SEC16B: variants seen among roughly 807,000 people sequenced by gnomAD.
SEC16B encodes SEC16 homolog B, endoplasmic reticulum export factor, also known as protein transport protein Sec16B.
A neutral mutation model predicts 141.8 loss-of-function variants in SEC16B; 115 were observed. The ratio of observed to expected loss-of-function variants is 0.81; its 90% CI spans 0.70 to 0.95. The LOEUF is 0.95. Ranked by LOEUF, SEC16B falls within the 40% of genes least tolerant of loss-of-function variation. The probability of loss-of-function intolerance (pLI) is 0.00; values close to 1 mark genes in which losing one functional copy is unlikely to be tolerated. For synonymous variants in SEC16B, 493 were observed against 492.5 expected (o/e 1.00, Z -0.01); for missense variants, 1,291 against 1,312.3 (o/e 0.98, Z 0.25).
intron 12 of SEC16B, 55 bp downstream of exon 12, chr1:177,951,859 C>A: frequency 7.0e-7 from 1 of 1,433,638 alleles, no homozygotes; most frequent in Non-Finnish European, 9.6e-7. Flanking sequence ...GCAGTCCCCG[C>A]CCCCTCAAGC....
At chr1:177,942,121 A>G (rs1194525854) in intron 15 of SEC16B, 81 bp from the exon 16 acceptor site, 1 of 1,439,936 alleles carries the variant, frequency 6.9e-7, no homozygotes, top group African/African-American at 1.4e-5. Context: ...ACTTCTTGGA[A>G]GTCAGCTGTC....
rs199678124 is a variant in SEC16B at position 177,937,355 on chromosome 1, C to T, written c.2362G>A (p.Gly788Ser). The change falls in exon 19 of 26, where the codon GGT becomes AGT. Residue 788 changes from glycine (G) to serine (S), a missense_variant. Physicochemically the swap from Gly to Ser is moderately conservative, Grantham distance 56. This residue lies in a region of SEC16B where 605 missense variants were observed against 614.1 expected (regional missense o/e 0.99). Transcript: ENST00000308284. Reference sequence around the variant, plus strand: ...CTCGGTGTCCCTGTCTGCCCTGCACCCCCTCCTGCTGGGTAGGAGCCCGGC... The same window carrying T: ...CTCGGTGTCCCTGTCTGCCCTGCACTCCCTCCTGCTGGGTAGGAGCCCGGC... ...LQPGSYPAGG[G>S]AGQTGTPRPF... 29 of 1,613,430 alleles carry T rather than the reference C, an allele frequency of 1.8e-5. No homozygotes were observed. Among genetic ancestry groups the T allele is most frequent in the Middle Eastern group, 1.7e-4 (1 of 6,050 alleles).
chr1:177,980,146 A>G (rs547512748), intron 1 of SEC16B, among the ~76,000 whole-genome samples: 1 of 152,092 alleles, frequency 6.6e-6, no homozygotes, highest in African/African-American at 2.4e-5. Flanking sequence ...TCCCTTTTAC[A>G]CTTAGGATGC....
At position 177,954,014 on chromosome 1, in the gene SEC16B, T is replaced by A. The variant is rs1436679851; in HGVS notation, c.1463+265A>T. ...GCCCCTCCCAAAGAAAGAAGGCTAC[T>A]GCAATGTAAAAACCTACTTAATTTT... On this transcript the variant is annotated intron_variant, in intron 11 of 25. Coordinates refer to ENST00000308284, the MANE Select transcript of SEC16B (RefSeq NM_033127.4). 3.9e-5 allele frequency among the ~76,000 whole-genome samples: 6 copies of A among 152,208 alleles called. 1 individual carries two copies. The highest frequency in any genetic ancestry group is 1.4e-4 in the African/African-American group (6 of 41,450).
In SEC16B at chr1:177,948,551, G is replaced by T. The variant is rs1236228118; in HGVS notation, c.1546-609C>A. 2.3e-6 allele frequency: 3 copies of T among 1,303,730 alleles called. No homozygotes were observed. The Admixed American group carries it at 6.9e-5, about 30-fold the overall frequency. The allele number at this position is 1,303,730 out of a possible 1,614,324, so 80.8% of individuals were successfully genotyped here. On this transcript the variant is annotated intron_variant, in intron 12 of 25. Coordinates refer to ENST00000308284, the MANE Select transcript of SEC16B (RefSeq NM_033127.4). ...TGCAGAGGCAGCAGAATTCCACCAG[G>T]GGGCAAAAAAGAGTAAGCAGCGTGG...
At chr1:177,964,064 G>A (rs1327995627) in intron 5 of SEC16B, 107 bp downstream of exon 5, 7 of 717,158 alleles carry the variant, frequency 9.8e-6, no homozygotes, top group Admixed American at 9.1e-5. Context: ...TCCTCCAGAC[G>A]GCTGGCCACT....
chr1:177,948,583 T>C (rs1415332286), intron 12 of SEC16B: 16 of 1,304,234 alleles, frequency 1.2e-5, no homozygotes, highest in Non-Finnish European at 1.5e-5. Context: ...GTGGTGGAAA[T>C]GTACAAAGCC....
At chr1:177,960,651 G>A (rs1652985781) in intron 7 of SEC16B, 140 bp downstream of exon 7, 2 of 901,060 alleles carry the variant, frequency 2.2e-6, no homozygotes, top group South Asian at 1.8e-5. Flanking sequence ...CTAATCCAGG[G>A]GGTACATGGC....
At chr1:177,933,701 T>C in intron 20 of SEC16B, 65 bp from the exon 21 acceptor site, 1 of 1,538,778 alleles carries the variant, frequency 6.5e-7, no homozygotes. Flanking sequence ...CATTTGCACA[T>C]ACTCCCTCAC....
At chr1:177,935,254 G>A (rs910206704) in intron 20 of SEC16B, among the ~76,000 whole-genome samples, 3 of 151,906 alleles carry the variant, frequency 2.0e-5, no homozygotes, top group Admixed American at 1.3e-4. Context: ...GTTAGGCTTG[G>A]TCTGATGTGC....
chr1:177,954,325 G>A lies in SEC16B; in HGVS notation c.1417C>T (p.Leu473=), dbSNP rs1465312924. The A allele has an allele frequency of 6.3e-7, 1 of 1,575,584 alleles. No individual in the cohort carries two copies. The highest frequency in any genetic ancestry group is 1.2e-5 in the South Asian group (1 of 85,512). The change falls in exon 11 of 26, where the codon CTG becomes TTG. Residue 473 remains leucine (L), a synonymous_variant. Coordinates refer to ENST00000308284, the MANE Select transcript of SEC16B (RefSeq NM_033127.4). ...KNHLWGHALF[L]SSKMDPQTYS... ...GTCTGTGGGTCCATCTTGCTGGACA[G>A]GAACAAAGCATGGCCCCACAAGTGG...
At chr1:177,939,909 T>C in intron 17 of SEC16B, 132 bp from the exon 18 acceptor site, 1 of 734,492 alleles carries the variant, frequency 1.4e-6, no homozygotes, top group Non-Finnish European at 2.2e-6. Flanking sequence ...AATGCTTGTA[T>C]GCTTAGGGGC....
chr1:177,934,662 G>C, intron 20 of SEC16B, among the ~76,000 whole-genome samples: 1 of 151,996 alleles, frequency 6.6e-6, no homozygotes, highest in East Asian at 1.9e-4. Context: ...AACCTGTGTC[G>C]GGTCACACAG....
rs1650910187 is a variant in SEC16B, at chr1:177,937,223, G to A, written c.2494C>T (p.Leu832=). 2.5e-6 allele frequency: 4 copies of A among 1,611,954 alleles called. No individual in the cohort carries two copies. The highest frequency in any genetic ancestry group is 2.2e-5 in the East Asian group (1 of 44,840). The change falls in exon 19 of 26, where the codon CTG becomes TTG. Residue 832 remains leucine (L), a synonymous_variant. Transcript: ENST00000308284. ...AGCGGCCAGGTCTTACCAGGGCCCA[G>A]GTGTGTCTGCAGCATTTCCTCCCAG... The part of the protein sequence containing the change: ...TVWEEMLQTH[L]GPGENTVSQE...
intron 6 of SEC16B, 181 bp from the exon 7 acceptor site, chr1:177,961,120 GAGA>G: frequency 1.6e-6 from 1 of 624,064 alleles, no homozygotes; most frequent in Non-Finnish European, 2.7e-6. Context: ...TTAAGCCTCT[GAGA>G]AGGTGTCAGA....
At chr1:177,953,882 C>T (rs1332754933) in intron 11 of SEC16B, among the ~76,000 whole-genome samples, 1 of 152,082 alleles carries the variant, frequency 6.6e-6, no homozygotes, top group African/African-American at 2.4e-5. Flanking sequence ...GTATCCAGAA[C>T]CTCATCACAA....
intron 12 of SEC16B, among the ~76,000 whole-genome samples, chr1:177,949,383 A>AACACACACAC (rs61635250): frequency 4.1e-4 from 56 of 136,844 alleles, no homozygotes; most frequent in African/African-American, 1.3e-3. Flanking sequence ...TCCCTTGCTA[A>AACACACACAC]ACACACACAC....
chr1:177,968,054 A>G lies in SEC16B; in HGVS notation c.-58-15T>C. ...ATTTTATCTTCCTGCAGACAAAAGAAAAAGGAAAAAATCATCACTTGAAGC... is the reference window on the plus strand; with the variant it reads ...ATTTTATCTTCCTGCAGACAAAAGAGAAAGGAAAAAATCATCACTTGAAGC... On this transcript the variant is annotated splice_polypyrimidine_tract_variant and intron_variant, in intron 1 of 25. Transcript: ENST00000308284. 1 of 1,422,840 alleles carries G rather than the reference A, an allele frequency of 7.0e-7. No homozygotes were observed. 88.1% of individuals were successfully genotyped at this position (1,422,840 alleles called of 1,614,324 possible).
At chr1:177,954,813 C>T (rs576526223) in intron 10 of SEC16B, among the ~76,000 whole-genome samples, 2 of 151,994 alleles carry the variant, frequency 1.3e-5, no homozygotes, top group African/African-American at 4.8e-5. Flanking sequence ...TTTAGCCATT[C>T]CACAGTGTGT....
Sources: gnomAD v4.1 joint callset for allele counts (sites outside exome capture counted in the v4.1 genomes callset) on GRCh38, gnomAD v4.1.1 for gene constraint, gnomAD v4.1.1 regional missense constraint, MANE v1.5 for transcripts, NCBI Gene and HGNC (gene_info 2026-07-23, HGNC 2026-07-21) for gene names.